ESRRA: variants seen among roughly 807,000 people sequenced by gnomAD.
The protein encoded by ESRRA is estrogen related receptor alpha, also known as steroid hormone receptor ERR1.
ESRRA carries 7 observed loss-of-function variants against 35.6 expected under a neutral mutation model. The observed-to-expected ratio is 0.20, with a 90% CI of 0.11 to 0.37. The LOEUF (loss-of-function observed/expected upper bound fraction) is 0.37, where lower values mean the gene tolerates loss of function less well. Among genes scored for constraint, ESRRA ranks in the 10% least tolerant of loss-of-function variants. ESRRA has a pLI of 1.00. For synonymous variants in ESRRA, 223 were observed against 246.9 expected (o/e 0.90, Z 0.91); for missense variants, 378 against 561.7 (o/e 0.67, Z 3.31).
At position 64,316,462 on chromosome 11, in the gene ESRRA, A is replaced by G; in HGVS notation, c.*496A>G. ...CCCCCTTGAAGCAATAACTCCAAGC[A>G]GACTCCAGCCCCTGGACCCCTGGGG... On this transcript the variant is annotated 3_prime_UTR_variant, in exon 7 of 7. Transcript: ENST00000000442. The G allele has an allele frequency of 4.8e-6, 1 of 209,914 alleles. No homozygotes were observed. The highest frequency in any genetic ancestry group is 9.8e-6 in the Non-Finnish European group (1 of 101,662). 13.0% of individuals were successfully genotyped at this position (209,914 alleles called of 1,614,324 possible).
At chr11:64,306,012 CG>C in intron 1 of ESRRA, among the ~76,000 whole-genome samples, 1 of 152,182 alleles carries the variant, frequency 6.6e-6, no homozygotes, top group East Asian at 1.9e-4. Flanking sequence ...CAGCCCGCTC[CG>C]GGGCAGGGTT....
At chr11:64,308,504 CAG>C (rs1438309990) in intron 2 of ESRRA, among the ~76,000 whole-genome samples, 1 of 118,958 alleles carries the variant, frequency 8.4e-6, no homozygotes, top group Non-Finnish European at 1.7e-5. Flanking sequence ...GCCTGGGTGA[CAG>C]AGCGAGATTC....
Position 64,305,541 on chromosome 11 carries a change from G to A in ESRRA, c.-208G>A, listed in dbSNP as rs979057344. On this transcript the variant is annotated 5_prime_UTR_variant, in exon 1 of 7. Coordinates refer to ENST00000000442, the MANE Select transcript of ESRRA (RefSeq NM_004451.5). This position sits in a 1 kb window ranked among gnomAD's most constrained non-coding sequence, Gnocchi z 5.8. ...CCCCCGCTGTCAGCTGGAGGAAGCG[G>A]AGTAGGAAGCGGCCGCGATGTCCTT... 2.0e-5 allele frequency: 3 copies of A among 152,132 alleles called. No individual in the cohort carries two copies. Among genetic ancestry groups the A allele is most frequent in the African/African-American group, 7.3e-5 (3 of 41,378 alleles). 9.4% of individuals were successfully genotyped at this position (152,132 alleles called of 1,614,324 possible).
In ESRRA at chr11:64,314,078, G is replaced by T. The variant is rs781659204; in HGVS notation, c.442+11G>T. 4 of 1,580,032 alleles carry T rather than the reference G, an allele frequency of 2.5e-6. No homozygotes were observed. In the Admixed American group the frequency reaches 7.2e-5, roughly 28 times the overall value. On this transcript the variant is annotated intron_variant, in intron 3 of 6. Coordinates refer to ENST00000000442, the MANE Select transcript of ESRRA (RefSeq NM_004451.5). The stretch of plus-strand genomic sequence containing the variant: ...GCATGCTCAAGGAGGGTGAGCGCTG[G>T]GCAGGGGCTGGGCGAGGGCTGGGGG...
intron 2 of ESRRA, among the ~76,000 whole-genome samples, chr11:64,310,835 A>G (rs546524889): frequency 1.3e-5 from 2 of 152,214 alleles, no homozygotes; most frequent in East Asian, 3.9e-4. Flanking sequence ...GGTGTGAGCC[A>G]CTGCACCCCG....
intron 2 of ESRRA, 131 bp downstream of exon 2, chr11:64,307,635 C>A: frequency 1.6e-6 from 1 of 621,240 alleles, no homozygotes; most frequent in East Asian, 3.2e-5. Context: ...CCTCTACCTC[C>A]CAGAGACACT....
chr11:64,307,635 C>G lies in ESRRA; in HGVS notation c.325+131C>G, dbSNP rs1020185279. The stretch of plus-strand genomic sequence containing the variant: ...CTGGTGTTTCCAGTCCCTCTACCTC[C>G]CAGAGACACTCTTTCCCTGAGAAGT... On this transcript the variant is annotated intron_variant, in intron 2 of 6. Coordinates refer to ENST00000000442, the MANE Select transcript of ESRRA (RefSeq NM_004451.5). The G allele has an allele frequency of 1.4e-5, 9 of 621,240 alleles. No homozygotes were observed. The African/African-American group carries it at 1.7e-4, about 12-fold the overall frequency. 38.5% of individuals were successfully genotyped at this position (621,240 alleles called of 1,614,324 possible). A position where few individuals can be genotyped will look rare whatever the true frequency, so the allele number is the denominator to read the frequency against.
chr11:64,310,090 A>G (rs1035340365), intron 2 of ESRRA, among the ~76,000 whole-genome samples: 1 of 152,178 alleles, frequency 6.6e-6, no homozygotes, highest in Non-Finnish European at 1.5e-5. Context: ...AAGTCTCACA[A>G]CTAGGAAATG....
At position 64,316,739 on chromosome 11, in the gene ESRRA, A is replaced by G. The variant is rs1187374559; in HGVS notation, c.*773A>G. 2.8e-6 allele frequency: 2 copies of G among 704,542 alleles called. No homozygotes were observed. Among genetic ancestry groups the G allele is most frequent in the Non-Finnish European group, 5.0e-6 (2 of 396,656 alleles). The allele number at this position is 704,542 out of a possible 1,614,324, so 43.6% of individuals were successfully genotyped here. A position where few individuals can be genotyped will look rare whatever the true frequency, so the allele number is the denominator to read the frequency against. On this transcript the variant is annotated 3_prime_UTR_variant, in exon 7 of 7. Coordinates refer to ENST00000000442, the MANE Select transcript of ESRRA (RefSeq NM_004451.5). ...GAAAAAAATATATAATACCGAGCTCAAAAACACTGTGTTTGGTGTCATTGG... is the reference window on the plus strand; with the variant it reads ...GAAAAAAATATATAATACCGAGCTCGAAAACACTGTGTTTGGTGTCATTGG...
intron 2 of ESRRA, among the ~76,000 whole-genome samples, chr11:64,307,942 G>C (rs931701896): frequency 1.9e-4 from 29 of 151,654 alleles, no homozygotes; most frequent in Non-Finnish European, 5.9e-5. Context: ...GTTCAGGCTA[G>C]AGTGCAGTGG....
In ESRRA at chr11:64,316,400, GCTC is replaced by G. The variant is rs1237442567; in HGVS notation, c.*441_*443del. On this transcript the variant is annotated 3_prime_UTR_variant, in exon 7 of 7. Coordinates refer to ENST00000000442, the MANE Select transcript of ESRRA (RefSeq NM_004451.5). ...GAGAGCAAAGGCCCATGCCCCCTTC[GCTC>G]CTCCTCTCATCATTTGCATTGGGCA... is the stretch of plus-strand genomic sequence containing the variant. 5.2e-6 allele frequency: 1 copy of G among 193,434 alleles called. No individual in the cohort carries two copies. The highest frequency in any genetic ancestry group is 1.3e-4 in the East Asian group (1 of 7,474). 12.0% of individuals were successfully genotyped at this position (193,434 alleles called of 1,614,324 possible).
intron 2 of ESRRA, 81 bp downstream of exon 2, chr11:64,307,585 T>C: frequency 9.2e-7 from 1 of 1,084,928 alleles, no homozygotes; most frequent in Non-Finnish European, 1.3e-6. Flanking sequence ...CCCTGATGGC[T>C]GTGGCACCGC....
At chr11:64,306,330 G>A (rs1382962256) in intron 1 of ESRRA, 2 of 152,336 alleles carry the variant, frequency 1.3e-5, no homozygotes, top group Admixed American at 6.5e-5. Flanking sequence ...GGGAGGTGGC[G>A]GCCTCTGCGA....
intron 2 of ESRRA, among the ~76,000 whole-genome samples, chr11:64,310,939 G>T (rs916777364): frequency 6.6e-6 from 1 of 152,184 alleles, no homozygotes; most frequent in African/African-American, 2.4e-5. Flanking sequence ...GCCGGCCAGG[G>T]TGCGGGTATC....
At chr11:64,306,400 C>T (rs2135246535) in intron 1 of ESRRA, 1 of 152,458 alleles carries the variant, frequency 6.6e-6, no homozygotes, top group Non-Finnish European at 1.5e-5. Flanking sequence ...CGGCGCCCGC[C>T]GTGTGCCTGG....
intron 2 of ESRRA, among the ~76,000 whole-genome samples, chr11:64,311,366 G>C (rs2035136168): frequency 1.3e-5 from 2 of 151,992 alleles, no homozygotes; most frequent in Admixed American, 1.3e-4. Context: ...TTACCGCTGT[G>C]GTATGTGCAG....
rs2035212508 is a variant in ESRRA at position 64,314,921 on chromosome 11, C to T, written c.742+10C>T. ...GCCAAGAGCATCCCAGGTAAAGGGC[C>T]CAGGTGACCCGGGGCTGCCCTGAAC... On this transcript the variant is annotated intron_variant, in intron 5 of 6. Coordinates refer to ENST00000000442, the MANE Select transcript of ESRRA (RefSeq NM_004451.5). The T allele has an allele frequency of 6.2e-7, 1 of 1,611,162 alleles. No homozygotes were observed. Among genetic ancestry groups the T allele is most frequent in the Admixed American group, 1.7e-5 (1 of 59,936 alleles).
chr11:64,314,387 C>T lies in ESRRA; in HGVS notation c.571+20C>T. 1 of 1,534,588 alleles carries T rather than the reference C, an allele frequency of 6.5e-7. No individual in the cohort carries two copies. Among genetic ancestry groups the T allele is most frequent in the Non-Finnish European group, 8.8e-7 (1 of 1,137,568 alleles). On this transcript the variant is annotated intron_variant, in intron 4 of 6. Transcript: ENST00000000442. Reference sequence around the variant, plus strand: ...AGACAGGTGAGAGCACTGTGGGTACCTGGGGCTACGAAACCGGAGGCCTAT... The same window carrying T: ...AGACAGGTGAGAGCACTGTGGGTACTTGGGGCTACGAAACCGGAGGCCTAT...
At chr11:64,309,249 A>C (rs967047897) in intron 2 of ESRRA, among the ~76,000 whole-genome samples, 24 of 151,728 alleles carry the variant, frequency 1.6e-4, no homozygotes, top group Admixed American at 1.6e-3. Flanking sequence ...CCTGGCCAAC[A>C]TGGTAAAACC....
Sources: allele counts gnomAD v4.1 joint callset (sites outside exome capture counted in the v4.1 genomes callset), GRCh38; gene constraint gnomAD v4.1.1; non-coding constraint Gnocchi (gnomAD v3.1); transcripts MANE v1.5; gene names NCBI Gene and HGNC (gene_info 2026-07-23, HGNC 2026-07-21).